RYR2: variants seen among roughly 807,000 people sequenced by gnomAD.
RYR2 encodes ryanodine receptor 2.
RYR2 carries 227 observed loss-of-function variants against 601.1 expected under a neutral mutation model. The observed-to-expected ratio is 0.38, with a 90% CI of 0.34 to 0.42. The LOEUF is 0.42. RYR2 is among the 10% of genes least tolerant of loss of function. RYR2 has a pLI of 1.00. For synonymous variants in RYR2, 2,223 were observed against 2,175.1 expected (o/e 1.02, Z -0.61); for missense variants, 4,646 against 6,156.5 (o/e 0.75, Z 8.21).
chr1:237,211,866 G>T (rs1682618616), intron 1 of RYR2, among the ~76,000 whole-genome samples: 1 of 152,168 alleles, frequency 6.6e-6, no homozygotes, highest in Non-Finnish European at 1.5e-5. Flanking sequence ...TGATAAGTAG[G>T]ATACCTACTC....
intron 47 of RYR2, among the ~76,000 whole-genome samples, chr1:237,642,469 C>T (rs990849220): frequency 6.6e-6 from 1 of 152,020 alleles, no homozygotes; most frequent in Non-Finnish European, 1.5e-5. Flanking sequence ...TTATTTTTCC[C>T]ATCTCAGAAA....
chr1:237,566,477 A>C, intron 27 of RYR2, 90 bp from the exon 28 acceptor site: 1 of 1,298,852 alleles, frequency 7.7e-7, no homozygotes, highest in Non-Finnish European at 1.1e-6. Context: ...TAAAGTCGTG[A>C]TTTATCTTTC....
chr1:237,421,651 A>G (rs1235082473), intron 11 of RYR2, among the ~76,000 whole-genome samples: 2 of 152,350 alleles, frequency 1.3e-5, no homozygotes, highest in East Asian at 1.9e-4. Flanking sequence ...TGTAGAACAC[A>G]AACATTTTTA....
intron 64 of RYR2, among the ~76,000 whole-genome samples, chr1:237,699,874 T>A (rs1324088996): frequency 6.6e-6 from 1 of 152,212 alleles, no homozygotes; most frequent in African/African-American, 2.4e-5. Flanking sequence ...TTGCTACTCA[T>A]TGCCTCAGGA....
At chr1:237,168,553 C>T (rs984589345) in intron 1 of RYR2, among the ~76,000 whole-genome samples, 4 of 151,996 alleles carry the variant, frequency 2.6e-5, no homozygotes, top group African/African-American at 7.3e-5. Context: ...TCCTGCCTTT[C>T]GCCGAGAGGA....
chr1:237,275,987 G>T (rs1440691197), intron 2 of RYR2, among the ~76,000 whole-genome samples: 1 of 152,182 alleles, frequency 6.6e-6, no homozygotes, highest in Non-Finnish European at 1.5e-5. Context: ...AAATAAAATT[G>T]AAGAGTTTCT....
intron 1 of RYR2, among the ~76,000 whole-genome samples, chr1:237,193,712 A>G (rs1765887): frequency 0.78 from 119,203 of 152,090 alleles, 48,570 homozygotes; most frequent in East Asian, 0.89. Flanking sequence ...TTTTCCAAAA[A>G]CTCTGGAAAC....
At chr1:237,803,422 TC>T (rs1468781093) in intron 98 of RYR2, among the ~76,000 whole-genome samples, 1 of 152,090 alleles carries the variant, frequency 6.6e-6, no homozygotes, top group Non-Finnish European at 1.5e-5. Context: ...TGCCTCAGCC[TC>T]CTGAGTAGCT....
chr1:237,100,641 C>T (rs557895772), intron 1 of RYR2, among the ~76,000 whole-genome samples: 62 of 152,262 alleles, frequency 4.1e-4, no homozygotes, highest in African/African-American at 1.4e-3. Context: ...CTGCCTCAGC[C>T]TCCCAAACTT....
Position 237,649,977 on chromosome 1 carries a change from C to G in RYR2, c.7613C>G (p.Thr2538Arg). ...LTRCAPLFAGTEHHASLIDSL... is the reference protein window; with the variant it reads ...LTRCAPLFAGREHHASLIDSL... The stretch of plus-strand genomic sequence containing the variant: ...AGATGTGCTCCTCTCTTTGCTGGCA[C>G]AGAGCACCACGCTTCTCTCATTGAC... Residue 2538 changes from threonine to arginine, a missense_variant, in exon 50 of 105, where the codon ACA becomes AGA. Physicochemically the swap from Thr to Arg is moderately conservative, Grantham distance 71. This residue lies in a region of RYR2 where 1,497 missense variants were observed against 1,842.6 expected (regional missense o/e 0.81). Transcript: ENST00000366574. 6.2e-7 allele frequency: 1 copy of G among 1,613,964 alleles called. No homozygotes were observed. The highest frequency in any genetic ancestry group is 8.5e-7 in the Non-Finnish European group (1 of 1,179,838).
chr1:237,210,124 A>AT (rs1350842405), intron 1 of RYR2, among the ~76,000 whole-genome samples: 15 of 145,854 alleles, frequency 1.0e-4, no homozygotes, highest in Admixed American at 8.3e-4. Flanking sequence ...TTGTTCTTTT[A>AT]TTTTTAAAAA....
intron 27 of RYR2, among the ~76,000 whole-genome samples, chr1:237,552,638 G>T (rs1209054180): frequency 6.6e-6 from 1 of 151,842 alleles, no homozygotes; most frequent in Non-Finnish European, 1.5e-5. Flanking sequence ...TCATTATCAC[G>T]TGTATTTTTT....
chr1:237,223,817 C>T (rs1252238292), intron 1 of RYR2, among the ~76,000 whole-genome samples: 1 of 152,126 alleles, frequency 6.6e-6, no homozygotes, highest in Non-Finnish European at 1.5e-5. Flanking sequence ...AAAATAGAAA[C>T]ACAAAGCACT....
Position 237,784,555 on chromosome 1 carries a change from G to A in RYR2, c.12843G>A (p.Thr4281=), listed in dbSNP as rs751069299. 6.8e-6 allele frequency: 11 copies of A among 1,613,876 alleles called. No homozygotes were observed. Among genetic ancestry groups the A allele is most frequent in the South Asian group, 5.5e-5 (5 of 91,066 alleles). ...VKKMTVKDMV[T]AFFSSYWSIF... ...AGATGACCGTGAAGGACATGGTCAC[G>A]GCCTTCTTTTCATCCTACTGGAGTA... is the stretch of plus-strand genomic sequence containing the variant. Residue 4281 remains threonine (T), a synonymous_variant, in exon 90 of 105, where the codon ACG becomes ACA. Coordinates refer to ENST00000366574, the MANE Select transcript of RYR2 (RefSeq NM_001035.3). This position sits in a 1 kb window ranked among gnomAD's most constrained non-coding sequence, Gnocchi z 7.1.
chr1:237,102,992 C>G (rs79496208), intron 1 of RYR2, among the ~76,000 whole-genome samples: 2 of 152,208 alleles, frequency 1.3e-5, no homozygotes, highest in Non-Finnish European at 2.9e-5. Flanking sequence ...AATCTCCGAA[C>G]AGTTTCATCT....
intron 14 of RYR2, 58 bp downstream of exon 14, chr1:237,445,580 A>G: frequency 6.3e-7 from 1 of 1,593,050 alleles, no homozygotes; most frequent in Non-Finnish European, 8.6e-7. Flanking sequence ...TCTTTATTGG[A>G]TATGCAAATA....
chr1:237,693,501 T>C (rs1368867757), intron 63 of RYR2, among the ~76,000 whole-genome samples: 1 of 152,210 alleles, frequency 6.6e-6, no homozygotes, highest in East Asian at 1.9e-4. Flanking sequence ...ATTAATCACA[T>C]AGGTACATCT....
chr1:237,508,373 G>A, intron 23 of RYR2, among the ~76,000 whole-genome samples: 1 of 151,764 alleles, frequency 6.6e-6, no homozygotes, highest in Non-Finnish European at 1.5e-5. Flanking sequence ...TCAATTGCCA[G>A]AGGAATTACA....
chr1:237,395,833 A>G (rs550456001), intron 10 of RYR2, among the ~76,000 whole-genome samples: 13 of 152,224 alleles, frequency 8.5e-5, no homozygotes, highest in Non-Finnish European at 1.6e-4. Flanking sequence ...GGCATGAGCC[A>G]CCACGCCCAG....
Sources: allele counts gnomAD v4.1 joint callset (sites outside exome capture counted in the v4.1 genomes callset), GRCh38; gene constraint gnomAD v4.1.1; regional missense constraint gnomAD v4.1.1; non-coding constraint Gnocchi (gnomAD v3.1); transcripts MANE v1.5; gene names NCBI Gene and HGNC (gene_info 2026-07-23, HGNC 2026-07-21).